SOS1: variants seen among roughly 807,000 people sequenced by gnomAD.
The protein encoded by SOS1 is son of sevenless homolog 1.
Under a neutral mutation model 157.6 loss-of-function variants are expected in SOS1, and 25 were observed. That is an observed-to-expected ratio of 0.16 (90% confidence interval 0.12 to 0.22). SOS1 has a LOEUF of 0.22. Ranked by LOEUF, SOS1 falls within the 10% of genes least tolerant of loss-of-function variation. SOS1 has a pLI of 1.00. For missense variants in SOS1, 1,237 were observed against 1,599.1 expected (o/e 0.77, Z 3.86); for synonymous variants, 528 against 534.0 (o/e 0.99, Z 0.16).
In SOS1 at chr2:39,058,666, G is replaced by C. The variant is rs372503853; in HGVS notation, c.345+7C>G. The C allele has an allele frequency of 3.7e-6, 6 of 1,612,286 alleles. No individual in the cohort carries two copies. Among genetic ancestry groups the C allele is most frequent in the Non-Finnish European group, 4.2e-6 (5 of 1,178,758 alleles). ...TAAAAGGCAAGAAGGCAGTAGTTCAGCATTACCTTTAATAAAGGATGAATT... is the reference window on the plus strand; with the variant it reads ...TAAAAGGCAAGAAGGCAGTAGTTCACCATTACCTTTAATAAAGGATGAATT... On this transcript the variant is annotated splice_region_variant and intron_variant, in intron 3 of 22. Coordinates refer to ENST00000402219, the MANE Select transcript of SOS1 (RefSeq NM_005633.4).
At chr2:39,033,723 G>T (rs2124559535) in intron 8 of SOS1, among the ~76,000 whole-genome samples, 1 of 152,218 alleles carries the variant, frequency 6.6e-6, no homozygotes, top group Non-Finnish European at 1.5e-5. Flanking sequence ...TTTTTGTAGA[G>T]ACAGGGTCTT....
chr2:39,048,982 ATC>A (rs1362761221), intron 6 of SOS1, among the ~76,000 whole-genome samples: 1 of 152,014 alleles, frequency 6.6e-6, no homozygotes, highest in Admixed American at 6.5e-5. Flanking sequence ...CAGTGGTGCG[ATC>A]TCGGCTCACT....
rs1226817974 is a variant in SOS1 at position 38,997,055 on chromosome 2, GA to G, written c.2965-18del. 1 of 1,320,778 alleles carries G rather than the reference GA, an allele frequency of 7.6e-7. No homozygotes were observed. Among genetic ancestry groups the G allele is most frequent in the Non-Finnish European group, 1.1e-6 (1 of 923,010 alleles). 81.8% of individuals were successfully genotyped at this position (1,320,778 alleles called of 1,614,324 possible). On this transcript the variant is annotated intron_variant, in intron 18 of 22. Transcript: ENST00000402219. The stretch of plus-strand genomic sequence containing the variant: ...AAAGAACCTCTAAAATAAATGCAAA[GA>G]AAAAATTATTAATATTCAAAATTAT...
intron 3 of SOS1, 98 bp downstream of exon 3, chr2:39,058,575 A>C (rs1671909475): frequency 2.3e-6 from 3 of 1,301,984 alleles, no homozygotes; most frequent in Non-Finnish European, 3.3e-6. Flanking sequence ...TTTTACTCTT[A>C]AGTTGACTCA....
chr2:39,014,067 C>G lies in SOS1; in HGVS notation c.1941-78G>C, dbSNP rs1669551408. The stretch of plus-strand genomic sequence containing the variant: ...AAATAGAAAACCACAAACGTTTTCA[C>G]CAGTCAGCAAAATCAAGAGAATACT... On this transcript the variant is annotated intron_variant, in intron 11 of 22. Transcript: ENST00000402219. 3 of 1,091,452 alleles carry G rather than the reference C, an allele frequency of 2.7e-6. No individual in the cohort carries two copies. The South Asian group carries it at 4.0e-5, about 14-fold the overall frequency. The allele number at this position is 1,091,452 out of a possible 1,614,324, so 67.6% of individuals were successfully genotyped here.
intron 15 of SOS1, 188 bp from the exon 16 acceptor site, chr2:39,007,381 T>C: frequency 1.7e-6 from 1 of 591,912 alleles, no homozygotes; most frequent in East Asian, 2.8e-5. Context: ...TACTGCTCTT[T>C]CCCGTCTTCT....
intron 17 of SOS1, among the ~76,000 whole-genome samples, chr2:38,999,628 G>A (rs1025826943): frequency 6.6e-6 from 1 of 152,198 alleles, no homozygotes; most frequent in African/African-American, 2.4e-5. Flanking sequence ...CTGTCATTTG[G>A]CTTTTATTTT....
intron 6 of SOS1, among the ~76,000 whole-genome samples, chr2:39,040,715 C>G (rs964925985): frequency 6.6e-6 from 1 of 151,958 alleles, no homozygotes; most frequent in African/African-American, 2.4e-5. Context: ...ATGTATTTAC[C>G]ATATACATTT....
intron 1 of SOS1, among the ~76,000 whole-genome samples, chr2:39,108,433 C>A (rs1298233137): frequency 6.6e-6 from 1 of 152,248 alleles, no homozygotes; most frequent in Admixed American, 6.5e-5. Flanking sequence ...CCACTCCAGA[C>A]TTCAGCTACT....
Position 39,021,541 on chromosome 2 carries a change from A to T in SOS1, c.1858+1029T>A, listed in dbSNP as rs796803177. 4.5e-3 allele frequency among the ~76,000 whole-genome samples: 665 copies of T among 149,060 alleles called. 6 individuals carry two copies. The highest frequency in any genetic ancestry group is 0.016 in the African/African-American group (641 of 39,424). The stretch of plus-strand genomic sequence containing the variant: ...GCTCTACAGGAAAAAAAAAAAAAAA[A>T]AAAAAATTAAAACTTCTTTCTTACA... On this transcript the variant is annotated intron_variant, in intron 10 of 22. Transcript: ENST00000402219.
chr2:39,093,023 C>T (rs1453168520), intron 1 of SOS1, among the ~76,000 whole-genome samples: 4 of 152,152 alleles, frequency 2.6e-5, no homozygotes, highest in Non-Finnish European at 2.9e-5. Flanking sequence ...TAAAAAGCCA[C>T]GTTAAGCATA....
rs1230538285 is a variant in SOS1 at position 39,058,705 on chromosome 2, G to T, written c.313C>A (p.Leu105Ile). ...EKRKRRNPLSLPVEKIHPLLK... is the reference protein window; with the variant it reads ...EKRKRRNPLSIPVEKIHPLLK... ...AAAGGATGAATTTTTTCTACTGGGA[G>T]AGATAAAGGGTTTCTTCGCTTCCTC... The change falls in exon 3 of 23, where the codon CTC becomes ATC. Residue 105 changes from leucine (L) to isoleucine (I), a missense_variant. Leu to Ile is a conservative substitution (Grantham distance 5). Coordinates refer to ENST00000402219, the MANE Select transcript of SOS1 (RefSeq NM_005633.4). The T allele has an allele frequency of 6.2e-7, 1 of 1,612,672 alleles. No homozygotes were observed. The highest frequency in any genetic ancestry group is 1.3e-5 in the African/African-American group (1 of 74,886).
chr2:39,105,205 A>C (rs1028045413), intron 1 of SOS1, among the ~76,000 whole-genome samples: 1 of 152,238 alleles, frequency 6.6e-6, no homozygotes, highest in Non-Finnish European at 1.5e-5. Context: ...AATTTAAGTT[A>C]GCTTACTACA....
intron 2 of SOS1, among the ~76,000 whole-genome samples, chr2:39,061,670 G>A (rs1671409726): frequency 6.6e-6 from 1 of 152,146 alleles, no homozygotes; most frequent in Non-Finnish European, 1.5e-5. Context: ...TTACACACAT[G>A]AGCCACTGCA....
At chr2:39,040,116 A>G (rs1670512946) in intron 6 of SOS1, among the ~76,000 whole-genome samples, 1 of 151,554 alleles carries the variant, frequency 6.6e-6, no homozygotes, top group Non-Finnish European at 1.5e-5. Flanking sequence ...GGTTCACACC[A>G]TTCTCCTGCC....
chr2:38,988,173 A>G (rs1668609074), intron 21 of SOS1, among the ~76,000 whole-genome samples: 1 of 152,198 alleles, frequency 6.6e-6, no homozygotes, highest in Admixed American at 6.5e-5. Context: ...AAGCAAAAAG[A>G]GGCTCATTAT....
At chr2:38,991,108 A>T (rs939851565) in intron 20 of SOS1, among the ~76,000 whole-genome samples, 5 of 151,602 alleles carry the variant, frequency 3.3e-5, no homozygotes, top group Non-Finnish European at 5.9e-5. Flanking sequence ...GGGCCTACAT[A>T]TTTTTTTTAA....
chr2:38,989,980 G>A (rs1048429662), intron 20 of SOS1, among the ~76,000 whole-genome samples: 3 of 151,896 alleles, frequency 2.0e-5, no homozygotes, highest in Non-Finnish European at 2.9e-5. Context: ...AATCAAAAGC[G>A]AAAGCCCCAA....
intron 1 of SOS1, among the ~76,000 whole-genome samples, chr2:39,085,804 A>C (rs537725743): frequency 6.6e-6 from 1 of 152,240 alleles, no homozygotes; most frequent in Non-Finnish European, 1.5e-5. Flanking sequence ...TATATCCCAA[A>C]TATGATATAT....
Sources: allele counts gnomAD v4.1 joint callset (sites outside exome capture counted in the v4.1 genomes callset), GRCh38; gene constraint gnomAD v4.1.1; transcripts MANE v1.5; gene names NCBI Gene and HGNC (gene_info 2026-07-23, HGNC 2026-07-21).